DLG1: variants seen among roughly 807,000 people sequenced by gnomAD.
The protein encoded by DLG1 is discs large MAGUK scaffold protein 1.
Under a neutral mutation model 123.4 loss-of-function variants are expected in DLG1, and 42 were observed. The ratio of observed to expected loss-of-function variants is 0.34; its 90% CI spans 0.27 to 0.44. The LOEUF (loss-of-function observed/expected upper bound fraction) is 0.44. Among genes scored for constraint, DLG1 ranks in the 20% least tolerant of loss-of-function variants. The pLI is 1.00. For synonymous variants in DLG1, 317 were observed against 356.2 expected (o/e 0.89, Z 1.24); for missense variants, 942 against 1,082.6 (o/e 0.87, Z 1.82).
intron 18 of DLG1, chr3:197,070,041 C>T (rs1742526015): frequency 6.6e-6 from 1 of 151,920 alleles, no homozygotes; most frequent in Non-Finnish European, 1.5e-5. Flanking sequence ...ACTGCCTGGC[C>T]CTCCTTAAAA....
rs537727060 is a variant in DLG1 at position 197,131,748 on chromosome 3, T to C, written c.1021-1077A>G. On this transcript the variant is annotated intron_variant, in intron 10 of 24. Coordinates refer to ENST00000667157, the MANE Select transcript of DLG1 (RefSeq NM_001366207.1). ...AGCTGGGACTACAGGCGCCCGCCAC[T>C]ACGCCCGGCTAATTTTTTGTATTTT... Among the ~76,000 whole-genome samples the C allele has an allele frequency of 1.3e-4, 19 of 150,382 alleles. No homozygotes were observed. The South Asian group carries it at 2.3e-3, about 18-fold the overall frequency.
intron 13 of DLG1, among the ~76,000 whole-genome samples, chr3:197,111,822 T>C (rs1427483652): frequency 6.7e-6 from 1 of 149,058 alleles, no homozygotes; most frequent in South Asian, 2.1e-4. Flanking sequence ...ATACTTGTTT[T>C]GTGTTTCAGT....
chr3:197,141,448 T>C (rs1727870256), intron 7 of DLG1, among the ~76,000 whole-genome samples: 1 of 152,252 alleles, frequency 6.6e-6, no homozygotes, highest in African/African-American at 2.4e-5. Flanking sequence ...CTGTGCTTAC[T>C]TGAATATTAC....
intron 5 of DLG1, among the ~76,000 whole-genome samples, chr3:197,159,308 A>G (rs1043021741): frequency 2.6e-5 from 4 of 152,212 alleles, no homozygotes; most frequent in Non-Finnish European, 5.9e-5. Flanking sequence ...GAAAAGTATA[A>G]AAGTGTTCTA....
chr3:197,130,479 A>T (rs1163426421), intron 11 of DLG1, 48 bp downstream of exon 11: 1 of 1,485,672 alleles, frequency 6.7e-7, no homozygotes, highest in South Asian at 1.4e-5. Context: ...TGGCATCACA[A>T]CTGAAGAAGT....
chr3:197,194,338 G>T, intron 5 of DLG1, 87 bp downstream of exon 5: 1 of 923,742 alleles, frequency 1.1e-6, no homozygotes, highest in Non-Finnish European at 1.5e-6. Flanking sequence ...GAACCTACAT[G>T]AAAGAATACT....
intron 23 of DLG1, among the ~76,000 whole-genome samples, chr3:197,054,169 T>C (rs910254810): frequency 2.0e-5 from 3 of 152,220 alleles, no homozygotes; most frequent in Admixed American, 1.3e-4. Context: ...GTTGCTGCTT[T>C]CAAGATTCTC....
chr3:197,136,851 T>C (rs1785278689), intron 9 of DLG1, among the ~76,000 whole-genome samples, 173 bp from the exon 10 acceptor site: 1 of 152,256 alleles, frequency 6.6e-6, no homozygotes, highest in Admixed American at 6.5e-5. Flanking sequence ...CACTTAGACA[T>C]ACAGCTGCTC....
chr3:197,209,617 A>G (rs774996434), intron 4 of DLG1, among the ~76,000 whole-genome samples: 1 of 146,680 alleles, frequency 6.8e-6, no homozygotes, highest in Non-Finnish European at 1.5e-5. Flanking sequence ...ACCATATGCT[A>G]GGCCACAAAA....
chr3:197,297,200 G>T lies in DLG1; in HGVS notation c.5C>A (p.Pro2Gln), dbSNP rs78766456. 1.1e-5 allele frequency: 17 copies of T among 1,613,908 alleles called. No homozygotes were observed. Among genetic ancestry groups the T allele is most frequent in the Non-Finnish European group, 1.4e-5 (17 of 1,180,028 alleles). Residue 2 changes from proline to glutamine, a missense_variant, in exon 2 of 25, where the codon CCG becomes CAG. Physicochemically the swap from Pro to Gln is moderately conservative, Grantham distance 76 (BLOSUM62 -1). Transcript: ENST00000667157. ...TAAACTCTCACCTTGCTTCCGGACC[G>T]GCATTTTTCTCCAGAATCAGGAAGA... MPVRKQDTQRAL... is the reference protein window; with the variant it reads MQVRKQDTQRAL...
intron 4 of DLG1, among the ~76,000 whole-genome samples, chr3:197,264,219 C>G (rs1199682855): frequency 6.6e-6 from 1 of 152,208 alleles, no homozygotes. Flanking sequence ...TCTGTGACCT[C>G]AAACATCAGT....
In DLG1 at chr3:197,290,424, T is replaced by TA. The variant is rs200192829; in HGVS notation, c.151+5921dup. On this transcript the variant is annotated intron_variant, in intron 3 of 24. Transcript: ENST00000667157. Reference sequence around the variant, plus strand: ...CATATTGCCTATAAGCCACAAGGGGTAAAAAACAATGACTATAGGATACAG... The same window carrying TA: ...CATATTGCCTATAAGCCACAAGGGGTAAAAAAACAATGACTATAGGATACAG... Among the ~76,000 whole-genome samples, 726 of 151,524 alleles carry TA rather than the reference T, an allele frequency of 4.8e-3. 6 individuals are homozygous for TA. The highest frequency in any genetic ancestry group is 0.018 in the East Asian group (95 of 5,154).
At chr3:197,224,548 C>T (rs1738794786) in intron 4 of DLG1, among the ~76,000 whole-genome samples, 1 of 152,166 alleles carries the variant, frequency 6.6e-6, no homozygotes, top group African/African-American at 2.4e-5. Flanking sequence ...GAATTTTTTA[C>T]TGGCTCATAG....
chr3:197,276,755 T>C (rs566870813), intron 4 of DLG1, among the ~76,000 whole-genome samples: 1 of 152,286 alleles, frequency 6.6e-6, no homozygotes, highest in East Asian at 1.9e-4. Context: ...CAATCAAAAT[T>C]TGAAGTCAAA....
intron 4 of DLG1, among the ~76,000 whole-genome samples, chr3:197,250,027 G>A (rs184437485): frequency 1.5e-4 from 23 of 152,234 alleles, no homozygotes; most frequent in African/African-American, 4.8e-4. Flanking sequence ...TACTTTCACC[G>A]CTTTTATTTC....
At chr3:197,234,920 A>T (rs1341700276) in intron 4 of DLG1, among the ~76,000 whole-genome samples, 1 of 152,228 alleles carries the variant, frequency 6.6e-6, no homozygotes, top group Non-Finnish European at 1.5e-5. Flanking sequence ...TCTATTCCAG[A>T]GTAACCAGCT....
At chr3:197,107,556 A>G (rs1767241046) in intron 13 of DLG1, among the ~76,000 whole-genome samples, 1 of 151,880 alleles carries the variant, frequency 6.6e-6, no homozygotes. Flanking sequence ...AGAACAAAAA[A>G]CAAAAAAACC....
intron 23 of DLG1, among the ~76,000 whole-genome samples, chr3:197,058,573 T>C (rs1300364170): frequency 6.6e-6 from 1 of 152,252 alleles, no homozygotes; most frequent in Admixed American, 6.5e-5. Context: ...AATTGCATTA[T>C]GGTCGGAGAG....
At chr3:197,090,503 T>C (rs1757172173) in intron 15 of DLG1, among the ~76,000 whole-genome samples, 1 of 152,110 alleles carries the variant, frequency 6.6e-6, no homozygotes, top group Admixed American at 6.5e-5. Context: ...ATTATTTACA[T>C]ATGCCTCCTT....
Sources: gnomAD v4.1 joint callset for allele counts (sites outside exome capture counted in the v4.1 genomes callset) on GRCh38, gnomAD v4.1.1 for gene constraint, MANE v1.5 for transcripts, NCBI Gene and HGNC (gene_info 2026-07-23, HGNC 2026-07-21) for gene names.